The following TSNARE1 variants were observed in gnomAD, a reference collection of about 807,000 sequenced individuals.
TSNARE1 encodes the protein t-SNARE domain-containing protein 1.
A neutral mutation model predicts 62.0 loss-of-function variants in TSNARE1; 49 were observed. The ratio of observed to expected loss-of-function variants is 0.79; its 90% CI spans 0.63 to 1.00. The LOEUF (loss-of-function observed/expected upper bound fraction) is 1.00. TSNARE1 is among the 50% of genes least tolerant of loss of function. The pLI is 0.00. For synonymous variants in TSNARE1, 328 were observed against 294.4 expected (o/e 1.11, Z -1.17); for missense variants, 755 against 700.1 (o/e 1.08, Z -0.88).
intron 1 of TSNARE1, 76 bp from the exon 2 acceptor site, chr8:142,354,839 G>T (rs117750417): frequency 0.024 from 19,303 of 817,660 alleles, 317 homozygotes; most frequent in East Asian, 0.056. Context: ...GTGCACAGGG[G>T]CCGCCGGCCC....
chr8:142,276,115 C>G (rs754776456), intron 11 of TSNARE1: 1,276 of 985,308 alleles, frequency 1.3e-3, no homozygotes, highest in Non-Finnish European at 1.4e-3. Context: ...CGCAGACACA[C>G]CCTGATCGCC....
At chr8:142,356,710 A>G (rs1463255557) in intron 1 of TSNARE1, among the ~76,000 whole-genome samples, 1 of 152,164 alleles carries the variant, frequency 6.6e-6, no homozygotes, top group Admixed American at 6.5e-5. Context: ...GCGCAGATTC[A>G]TCCTCACAAC....
At chr8:142,264,352 T>G (rs1819033099) in intron 12 of TSNARE1, among the ~76,000 whole-genome samples, 1 of 152,246 alleles carries the variant, frequency 6.6e-6, no homozygotes, top group African/African-American at 2.4e-5. Context: ...TATGACCTAG[T>G]CCATGGTCAA....
At chr8:142,386,441 A>C (rs1030110872) in intron 1 of TSNARE1, among the ~76,000 whole-genome samples, 1 of 152,208 alleles carries the variant, frequency 6.6e-6, no homozygotes, top group Admixed American at 6.5e-5. Context: ...TGGACCACAG[A>C]GTAAAAGACT....
At chr8:142,400,617 G>GTCCT (rs1194747439) in intron 1 of TSNARE1, among the ~76,000 whole-genome samples, 2 of 152,170 alleles carry the variant, frequency 1.3e-5, no homozygotes, top group Admixed American at 1.3e-4. Flanking sequence ...GCAGGCACCT[G>GTCCT]TAGTCCCAGC....
chr8:142,327,656 C>T (rs960093990), intron 6 of TSNARE1, among the ~76,000 whole-genome samples: 1 of 152,228 alleles, frequency 6.6e-6, no homozygotes, highest in African/African-American at 2.4e-5. Flanking sequence ...GGATGAACCG[C>T]ACACATGGAT....
intron 12 of TSNARE1, chr8:142,273,743 A>G (rs552202729): frequency 9.1e-6 from 9 of 985,274 alleles, no homozygotes; most frequent in Non-Finnish European, 1.1e-5. Context: ...AGCTCAAGGC[A>G]GCCCTGGCCT....
intron 13 of TSNARE1, among the ~76,000 whole-genome samples, chr8:142,213,790 C>A (rs1334124369): frequency 6.6e-6 from 1 of 152,222 alleles, no homozygotes; most frequent in African/African-American, 2.4e-5. Flanking sequence ...GAGCCAGGTG[C>A]CCAGCAGGTG....
At chr8:142,258,052 C>T (rs1818673806) in intron 12 of TSNARE1, among the ~76,000 whole-genome samples, 1 of 152,180 alleles carries the variant, frequency 6.6e-6, no homozygotes, top group Non-Finnish European at 1.5e-5. Context: ...CTTGTGCTCA[C>T]ACATGCACAC....
chr8:142,265,181 C>T (rs924248977), intron 12 of TSNARE1, among the ~76,000 whole-genome samples: 3 of 151,532 alleles, frequency 2.0e-5, no homozygotes, highest in Admixed American at 6.6e-5. Context: ...ATGTCACCAG[C>T]ACCATGTTCA....
At chr8:142,327,388 C>A (rs1451334570) in intron 6 of TSNARE1, among the ~76,000 whole-genome samples, 2 of 151,938 alleles carry the variant, frequency 1.3e-5, no homozygotes, top group South Asian at 2.1e-4. Context: ...TACCAGCCGG[C>A]GAATGGGTGT....
intron 13 of TSNARE1, among the ~76,000 whole-genome samples, chr8:142,219,500 G>A (rs554404233): frequency 6.6e-6 from 1 of 152,204 alleles, no homozygotes; most frequent in African/African-American, 2.4e-5. Flanking sequence ...GTGGTGATCT[G>A]TCCCTGGGCA....
At chr8:142,349,821 T>A in intron 2 of TSNARE1, among the ~76,000 whole-genome samples, 1 of 152,046 alleles carries the variant, frequency 6.6e-6, no homozygotes, top group Non-Finnish European at 1.5e-5. Flanking sequence ...CAACCCTGAG[T>A]TCACAAAGCT....
intron 13 of TSNARE1, among the ~76,000 whole-genome samples, chr8:142,216,259 A>C (rs6583602): frequency 1.3e-5 from 2 of 152,072 alleles, no homozygotes; most frequent in African/African-American, 4.8e-5. Context: ...TATGGCACTG[A>C]AATGAATGCT....
intron 3 of TSNARE1, 133 bp downstream of exon 3, chr8:142,345,610 G>T: frequency 9.1e-7 from 1 of 1,096,554 alleles, no homozygotes; most frequent in Non-Finnish European, 1.3e-6. Flanking sequence ...AGGGGGCAGG[G>T]GATGCAGGTC....
At chr8:142,224,466 G>C (rs1229190482) in intron 13 of TSNARE1, among the ~76,000 whole-genome samples, 1 of 152,158 alleles carries the variant, frequency 6.6e-6, no homozygotes, top group Admixed American at 6.5e-5. Flanking sequence ...CCTGATGCCA[G>C]ACAAGCCTTC....
At chr8:142,257,136 C>T (rs563906876) in intron 12 of TSNARE1, among the ~76,000 whole-genome samples, 7 of 152,234 alleles carry the variant, frequency 4.6e-5, no homozygotes, top group Non-Finnish European at 8.8e-5. Context: ...CTCATCACCT[C>T]TCTCCGAGGG....
chr8:142,387,558 G>A (rs1041125376), intron 1 of TSNARE1, among the ~76,000 whole-genome samples: 5 of 151,860 alleles, frequency 3.3e-5, no homozygotes, highest in African/African-American at 7.3e-5. Context: ...AGAAGCAACC[G>A]AGACGGAAAT....
intron 11 of TSNARE1, among the ~76,000 whole-genome samples, chr8:142,280,835 G>A (rs1308168289): frequency 6.6e-6 from 1 of 152,182 alleles, no homozygotes; most frequent in African/African-American, 2.4e-5. Context: ...CCTGGGGAGA[G>A]GAGGTGGTAA....
Sources: gnomAD v4.1 joint callset for allele counts (sites outside exome capture counted in the v4.1 genomes callset) on GRCh38, gnomAD v4.1.1 for gene constraint, MANE v1.5 for transcripts, NCBI Gene and HGNC (gene_info 2026-07-23, HGNC 2026-07-21) for gene names.